The following RIF1 variants were observed in gnomAD, a reference collection of about 807,000 sequenced individuals.
The protein encoded by RIF1 is telomere-associated protein RIF1.
A neutral mutation model predicts 247.1 loss-of-function variants in RIF1; 45 were observed. That is an observed-to-expected ratio of 0.18 (90% CI 0.14 to 0.23). The LOEUF is 0.23. Ranked by LOEUF, RIF1 falls within the 10% of genes least tolerant of loss-of-function variation. The probability of loss-of-function intolerance (pLI) is 1.00; values close to 1 mark genes in which losing one functional copy is unlikely to be tolerated. For synonymous variants in RIF1, 1,087 were observed against 978.8 expected, an observed-to-expected ratio of 1.11 and a Z score of -2.06; for missense variants, 2,967 against 2,862.5, an observed-to-expected ratio of 1.04 and a Z score of -0.83.
intron 10 of RIF1, among the ~76,000 whole-genome samples, chr2:151,434,846 TA>T (rs925117490): frequency 3.9e-5 from 6 of 152,132 alleles, no homozygotes; most frequent in African/African-American, 1.4e-4. Context: ...TCTGGGGGTA[TA>T]TTTTAGGGGT....
chr2:151,513,510 GA>G, the RIF1 span: 1 of 1,109,076 alleles, frequency 9.0e-7, no homozygotes, highest in Non-Finnish European at 1.3e-6. Context: ...TCAGATGACA[GA>G]GGGACACTTT....
rs745753341 is a variant in RIF1, at chr2:151,461,201, A to G, written c.3139A>G (p.Thr1047Ala). The G allele has an allele frequency of 7.4e-6, 12 of 1,611,434 alleles. No homozygotes were observed. The highest frequency in any genetic ancestry group is 6.7e-5 in the East Asian group (3 of 44,816). Residue 1047 changes from threonine (T) to alanine (A), a missense_variant, in exon 27 of 36, where the codon ACT becomes GCT. Coordinates refer to ENST00000444746, the MANE Select transcript of RIF1 (RefSeq NM_018151.5). ...GEILLEEEKSTDFVFIPPEGK... is the reference protein window; with the variant it reads ...GEILLEEEKSADFVFIPPEGK... ...AATTCTTTTGGAAGAGGAAAAGTCT[A>G]CTGACTTTGTGTTTATACCTCCAGA...
chr2:151,501,856 T>G (rs1378222595), intron 11 of RIF1, among the ~76,000 whole-genome samples: 1 of 152,028 alleles, frequency 6.6e-6, no homozygotes, highest in Non-Finnish European at 1.5e-5. Flanking sequence ...ACAGGTAGGT[T>G]TGGGGGAACA....
chr2:151,522,660 C>A, the RIF1 span, among the ~76,000 whole-genome samples: 1 of 152,214 alleles, frequency 6.6e-6, no homozygotes, highest in Non-Finnish European at 1.5e-5. Flanking sequence ...TGGTCAGTCT[C>A]CTGACCAATG....
intron 11 of RIF1, among the ~76,000 whole-genome samples, chr2:151,436,540 CAAAAAAAA>C (rs561444176): frequency 1.6e-5 from 1 of 60,812 alleles, no homozygotes; most frequent in African/African-American, 6.2e-5. Context: ...GACTCTGTCT[CAAAAAAAA>C]AAAAAAAAAA....
In RIF1 at chr2:151,468,705, A is replaced by G. The variant is rs1255290750; in HGVS notation, c.6890A>G (p.Asn2297Ser). The G allele has an allele frequency of 2.5e-6, 4 of 1,613,964 alleles. No homozygotes were observed. The Admixed American group carries it at 5.0e-5, about 20-fold the overall frequency. Reference protein sequence around the residue: ...PTESVYPPLVNCVAPVDIILP... With the variant: ...PTESVYPPLVSCVAPVDIILP... ...GAAAGTGTTTACCCACCATTGGTGAACTGTGTGGCACCAGTTGACATCATT... is the reference window on the plus strand; with the variant it reads ...GAAAGTGTTTACCCACCATTGGTGAGCTGTGTGGCACCAGTTGACATCATT... Residue 2297 changes from asparagine (N) to serine (S), a missense_variant, in exon 33 of 36, where the codon AAC (asparagine) becomes AGC (serine). This residue lies in a region of RIF1 where 2,028 missense variants were observed against 1,825.6 expected (regional missense o/e 1.11). Transcript: ENST00000444746.
chr2:151,437,388 G>A (rs1691430034), intron 13 of RIF1, 37 bp downstream of exon 13: 5 of 1,518,892 alleles, frequency 3.3e-6, no homozygotes, highest in Non-Finnish European at 4.6e-6. Context: ...TCAAATGTGT[G>A]TTTAAAAAGA....
intron 34 of RIF1, 27 bp downstream of exon 34, chr2:151,469,891 G>A (rs1697528969): frequency 2.0e-6 from 3 of 1,525,860 alleles, no homozygotes; most frequent in East Asian, 4.5e-5. Flanking sequence ...TAGCTATGAT[G>A]TATATTAATA....
At position 151,410,525 on chromosome 2, in the gene RIF1, C is replaced by T. The variant is rs563458825; in HGVS notation, c.102C>T (p.Thr34=). ...GGQTDAYLTL[T]SRMTGEEGKE... is the part of the protein sequence containing the mutation. ...AGACTGACGCTTACCTGACTCTGACCAGGTGAGGTCCGCCACGGGGCGTAG... is the reference window on the plus strand; with the variant it reads ...AGACTGACGCTTACCTGACTCTGACTAGGTGAGGTCCGCCACGGGGCGTAG... The change falls in exon 2 of 36, where the codon ACC becomes ACT. Residue 34 remains threonine (T), a splice_region_variant and synonymous_variant. Transcript: ENST00000444746. 1.9e-6 allele frequency: 3 copies of T among 1,612,822 alleles called. No individual in the cohort carries two copies. The highest frequency in any genetic ancestry group is 1.7e-6 in the Non-Finnish European group (2 of 1,179,092).
intron 15 of RIF1, among the ~76,000 whole-genome samples, 200 bp from the exon 16 acceptor site, chr2:151,441,705 C>A (rs891643865): frequency 6.6e-6 from 1 of 152,128 alleles, no homozygotes; most frequent in Non-Finnish European, 1.5e-5. Context: ...TTTTATATTT[C>A]TGTGTTTGAA....
intron 15 of RIF1, among the ~76,000 whole-genome samples, chr2:151,440,938 A>G (rs1483098048): frequency 6.6e-6 from 1 of 152,168 alleles, no homozygotes; most frequent in Non-Finnish European, 1.5e-5. Flanking sequence ...GTGAAAATGT[A>G]TTTTCACTGA....
chr2:151,519,612 T>C, the RIF1 span: 16 of 1,394,476 alleles, frequency 1.1e-5, no homozygotes, highest in Non-Finnish European at 1.5e-5. Context: ...ACAGTTAAAA[T>C]GGCAAATACC....
chr2:151,496,681 C>CA (rs1182346326), intron 10 of RIF1, among the ~76,000 whole-genome samples: 3 of 151,928 alleles, frequency 2.0e-5, no homozygotes, highest in African/African-American at 7.3e-5. Flanking sequence ...TGTTAGAACT[C>CA]AGTGTTGTTA....
At chr2:151,412,911 C>G (rs1159912739) in intron 3 of RIF1, among the ~76,000 whole-genome samples, 1 of 152,116 alleles carries the variant, frequency 6.6e-6, no homozygotes, top group Admixed American at 6.6e-5. Flanking sequence ...TAAGCAGAAA[C>G]TTTATTGTGT....
Position 151,489,236 on chromosome 2 carries a change from A to G in RIF1, c.*415+5901A>G, listed in dbSNP as rs142323216. Among the ~76,000 whole-genome samples the G allele has an allele frequency of 6.6e-4, 100 of 152,322 alleles. No individual in the cohort carries two copies. The East Asian group carries it at 0.019, about 29-fold the overall frequency. The stretch of plus-strand genomic sequence containing the variant: ...AGATTGTTCATATCAATCCTAAAGT[A>G]TTAGGCTTTTGAGGATATTATGAAT... On this transcript the variant is annotated intron_variant and NMD_transcript_variant, in intron 9 of 13. Transcript: ENST00000454583.
At chr2:151,515,000 GAAAA>G in the RIF1 span, 1 of 837,124 alleles carries the variant, frequency 1.2e-6, no homozygotes, top group Non-Finnish European at 1.8e-6. Context: ...ATCTCAGGAA[GAAAA>G]AAAAAACAGC....
Position 151,463,414 on chromosome 2 carries a change from G to T in RIF1, c.3894G>T (p.Gly1298=). The T allele has an allele frequency of 6.2e-7, 1 of 1,613,866 alleles. No homozygotes were observed. Among genetic ancestry groups the T allele is most frequent in the Non-Finnish European group, 8.5e-7 (1 of 1,179,938 alleles). The change falls in exon 30 of 36, where the codon GGG becomes GGT. Residue 1298 remains glycine (G), a synonymous_variant. Coordinates refer to ENST00000444746, the MANE Select transcript of RIF1 (RefSeq NM_018151.5). ...SRRAGKAEQT[G]NKRSKPLMRS... is the part of the protein sequence containing the mutation. ...GAGCTGGTAAAGCTGAACAAACAGG[G>T]AATAAAAGGTCTAAGCCCTTAATGA...
intron 30 of RIF1, among the ~76,000 whole-genome samples, chr2:151,467,337 T>C (rs1471257132): frequency 6.6e-6 from 1 of 152,100 alleles, no homozygotes; most frequent in East Asian, 1.9e-4. Flanking sequence ...TTAAGTTGTT[T>C]TTTGTTTTGT....
rs201907961 is a variant in RIF1 at position 151,482,025 on chromosome 2, G to C, written c.*6954G>C. The C allele has an allele frequency of 5.2e-5, 1 of 19,312 alleles. No homozygotes were observed. Among genetic ancestry groups the C allele is most frequent in the Non-Finnish European group, 1.3e-4 (1 of 7,740 alleles). 1.2% of individuals were successfully genotyped at this position (19,312 alleles called of 1,614,324 possible). On this transcript the variant is annotated 3_prime_UTR_variant, in exon 36 of 36. Coordinates refer to ENST00000444746, the MANE Select transcript of RIF1 (RefSeq NM_018151.5). ...ATTTCTGGTTCTTTATGACTGTTGA[G>C]GGGGGGCAGAATTCTATGTTTGATT...
Sources: allele counts gnomAD v4.1 joint callset (sites outside exome capture counted in the v4.1 genomes callset), GRCh38; gene constraint gnomAD v4.1.1; regional missense constraint gnomAD v4.1.1; transcripts MANE v1.5; gene names NCBI Gene and HGNC (gene_info 2026-07-23, HGNC 2026-07-21).